The following SORCS1 variants were observed in gnomAD, a reference collection of about 807,000 sequenced individuals.
The protein encoded by SORCS1 is VPS10 domain-containing receptor SorCS1.
A neutral mutation model predicts 146.1 loss-of-function variants in SORCS1; 60 were observed. That is an observed-to-expected ratio of 0.41 (90% CI 0.33 to 0.51). SORCS1 has a LOEUF of 0.51. Ranked by LOEUF, SORCS1 falls within the 20% of genes least tolerant of loss-of-function variation. The probability of loss-of-function intolerance (pLI) is 0.21; values close to 1 mark genes in which losing one functional copy is unlikely to be tolerated. For missense variants in SORCS1, 1,352 were observed against 1,487.6 expected (o/e 0.91, Z 1.50); for synonymous variants, 637 against 584.0 (o/e 1.09, Z -1.31).
intron 1 of SORCS1, among the ~76,000 whole-genome samples, chr10:107,037,489 C>T (rs755562088): frequency 4.1e-4 from 63 of 152,306 alleles, no homozygotes; most frequent in Non-Finnish European, 5.1e-4. Flanking sequence ...ATCTGGCTCC[C>T]GGACTCAAAG....
intron 23 of SORCS1, among the ~76,000 whole-genome samples, chr10:106,602,562 C>A (rs201399808): frequency 2.7e-5 from 4 of 148,816 alleles, no homozygotes; most frequent in African/African-American, 1.0e-4. Context: ...AACACACACA[C>A]AAATTTAGCC....
chr10:106,966,066 G>A (rs528867408), intron 1 of SORCS1, among the ~76,000 whole-genome samples: 26 of 152,308 alleles, frequency 1.7e-4, no homozygotes, highest in African/African-American at 5.8e-4. Flanking sequence ...GGCTGCTGCC[G>A]GATCAGGGGT....
intron 5 of SORCS1, among the ~76,000 whole-genome samples, chr10:106,748,003 A>C (rs2136156058): frequency 6.6e-6 from 1 of 152,330 alleles, no homozygotes; most frequent in African/African-American, 2.4e-5. Flanking sequence ...GAAAATATTT[A>C]TTGAGCACCT....
intron 1 of SORCS1, among the ~76,000 whole-genome samples, chr10:106,983,518 T>C (rs1263415729): frequency 1.3e-5 from 2 of 152,144 alleles, no homozygotes; most frequent in Non-Finnish European, 2.9e-5. Flanking sequence ...GCCTTGCTTT[T>C]ATTCTGTGAT....
chr10:106,699,187 T>C, intron 9 of SORCS1, 27 bp downstream of exon 9: 4 of 1,581,340 alleles, frequency 2.5e-6, no homozygotes, highest in Non-Finnish European at 3.4e-6. Context: ...TGCTGTGGCT[T>C]AGGACCACAT....
intron 3 of SORCS1, among the ~76,000 whole-genome samples, chr10:106,826,344 C>T (rs1187263045): frequency 6.6e-6 from 1 of 152,186 alleles, no homozygotes; most frequent in Non-Finnish European, 1.5e-5. Context: ...ACCGCGGAGA[C>T]CTGAGAGAAT....
chr10:106,698,779 T>C (rs2135737119), intron 9 of SORCS1, among the ~76,000 whole-genome samples: 1 of 152,286 alleles, frequency 6.6e-6, no homozygotes, highest in Middle Eastern at 3.4e-3. Flanking sequence ...GGTCTTCAAG[T>C]CCAAATGGAG....
At position 106,950,044 on chromosome 10, in the gene SORCS1, T is replaced by C. The variant is rs572988781; in HGVS notation, c.626+6469A>G. Among the ~76,000 whole-genome samples, 13 of 152,356 alleles carry C rather than the reference T, an allele frequency of 8.5e-5. No homozygotes were observed. The South Asian group carries it at 2.3e-3, about 27-fold the overall frequency. On this transcript the variant is annotated intron_variant, in intron 2 of 25. Transcript: ENST00000263054. ...CCTTTAAGCTTATCTTGTACCAATATGATAAAACCACCACGCTCTCCAATT... is the reference window on the plus strand; with the variant it reads ...CCTTTAAGCTTATCTTGTACCAATACGATAAAACCACCACGCTCTCCAATT...
intron 5 of SORCS1, among the ~76,000 whole-genome samples, chr10:106,752,340 T>A (rs1440730582): frequency 6.6e-6 from 1 of 152,166 alleles, no homozygotes; most frequent in South Asian, 2.1e-4. Context: ...GCCAGAAAGA[T>A]CCACTGTGAT....
intron 2 of SORCS1, among the ~76,000 whole-genome samples, chr10:106,948,224 C>T (rs938757534): frequency 1.3e-5 from 2 of 151,504 alleles, no homozygotes; most frequent in East Asian, 1.9e-4. Flanking sequence ...AACAATAACT[C>T]ACCACTACAG....
intron 3 of SORCS1, among the ~76,000 whole-genome samples, chr10:106,779,879 C>A (rs1860759322): frequency 6.6e-6 from 1 of 152,068 alleles, no homozygotes; most frequent in African/African-American, 2.4e-5. Flanking sequence ...TTAATCACAA[C>A]CTTCAAATTA....
chr10:106,756,140 T>A (rs1161449552), intron 5 of SORCS1, among the ~76,000 whole-genome samples: 4 of 144,352 alleles, frequency 2.8e-5, no homozygotes, highest in African/African-American at 7.5e-5. Flanking sequence ...AAAAAAAAAA[T>A]AAATAAAATA....
At chr10:106,840,865 T>TATATATATA (rs1564721109) in intron 2 of SORCS1, among the ~76,000 whole-genome samples, 2 of 116,172 alleles carry the variant, frequency 1.7e-5, no homozygotes, top group Non-Finnish European at 3.4e-5. Flanking sequence ...ATATATATAT[T>TATATATATA]TTTTTTTTTT....
chr10:107,031,218 A>G (rs922453244), intron 1 of SORCS1, among the ~76,000 whole-genome samples: 5 of 152,230 alleles, frequency 3.3e-5, no homozygotes, highest in African/African-American at 1.2e-4. Flanking sequence ...CATGAGAATT[A>G]TTACATGTGT....
chr10:107,032,734 A>G (rs1958719709), intron 1 of SORCS1, among the ~76,000 whole-genome samples: 1 of 152,224 alleles, frequency 6.6e-6, no homozygotes, highest in African/African-American at 2.4e-5. Flanking sequence ...CAGAGCTGTT[A>G]TTGCTGAAAC....
intron 1 of SORCS1, among the ~76,000 whole-genome samples, chr10:107,062,059 C>T (rs757575459): frequency 1.3e-5 from 2 of 152,050 alleles, no homozygotes; most frequent in Non-Finnish European, 2.9e-5. Flanking sequence ...CCTCCAAGTC[C>T]CTCATCTTTA....
At chr10:106,621,141 G>T (rs1023137406) in intron 19 of SORCS1, among the ~76,000 whole-genome samples, 2 of 152,194 alleles carry the variant, frequency 1.3e-5, no homozygotes, top group South Asian at 2.1e-4. Flanking sequence ...AGGTGTGTGT[G>T]TAAGTAGATA....
chr10:106,902,120 T>G (rs575731333), intron 2 of SORCS1, among the ~76,000 whole-genome samples: 2 of 152,142 alleles, frequency 1.3e-5, no homozygotes, highest in African/African-American at 2.4e-5. Context: ...ACAATACTCA[T>G]GTAATTAGTA....
At chr10:106,592,671 T>A (rs1845671021) in intron 24 of SORCS1, among the ~76,000 whole-genome samples, 1 of 152,118 alleles carries the variant, frequency 6.6e-6, no homozygotes, top group African/African-American at 2.4e-5. Flanking sequence ...TGGTTCTTTT[T>A]TTTTTCTTTT....
Sources: allele counts gnomAD v4.1 joint callset (sites outside exome capture counted in the v4.1 genomes callset), GRCh38; gene constraint gnomAD v4.1.1; transcripts MANE v1.5; gene names NCBI Gene and HGNC (gene_info 2026-07-23, HGNC 2026-07-21).